IGF1: variants seen among roughly 807,000 people sequenced by gnomAD.
IGF1 encodes the protein insulin like growth factor 1.
Under a neutral mutation model 13.8 loss-of-function variants are expected in IGF1, and 4 were observed. That is an observed-to-expected ratio of 0.29 (90% CI 0.14 to 0.66). IGF1 has a LOEUF of 0.66. Among genes scored for constraint, IGF1 ranks in the 30% least tolerant of loss-of-function variants. The probability of loss-of-function intolerance (pLI) is 0.78; values close to 1 mark genes in which losing one functional copy is unlikely to be tolerated. For synonymous variants in IGF1, 76 were observed against 72.6 expected (o/e 1.05, Z -0.23); for missense variants, 124 against 188.5 (o/e 0.66, Z 2.00).
At chr12:102,453,246 A>G (rs888941385) in intron 2 of IGF1, among the ~76,000 whole-genome samples, 5 of 152,192 alleles carry the variant, frequency 3.3e-5, no homozygotes, top group African/African-American at 1.2e-4. Context: ...GTGCTTTTCC[A>G]AAGTGTTTTT....
chr12:102,429,880 A>G (rs1233704383), intron 2 of IGF1, among the ~76,000 whole-genome samples: 1 of 152,180 alleles, frequency 6.6e-6, no homozygotes, highest in Non-Finnish European at 1.5e-5. Flanking sequence ...CTTTCTGAGA[A>G]CTAGAGACTG....
At chr12:102,452,859 G>A (rs1339834945) in intron 2 of IGF1, among the ~76,000 whole-genome samples, 1 of 152,108 alleles carries the variant, frequency 6.6e-6, no homozygotes, top group Non-Finnish European at 1.5e-5. Flanking sequence ...GCAATTTAAG[G>A]ACATGGGCCC....
At chr12:102,412,742 G>A (rs1437764864) in intron 3 of IGF1, among the ~76,000 whole-genome samples, 2 of 152,130 alleles carry the variant, frequency 1.3e-5, no homozygotes, top group African/African-American at 4.8e-5. Context: ...GGGCTCTCTG[G>A]AAGAATCAGA....
intron 1 of IGF1, among the ~76,000 whole-genome samples, chr12:102,479,525 G>A (rs944120050): frequency 2.0e-5 from 3 of 152,134 alleles, no homozygotes; most frequent in African/African-American, 7.2e-5. Flanking sequence ...TTTACCTAAA[G>A]GGACTTCACG....
intron 2 of IGF1, among the ~76,000 whole-genome samples, chr12:102,457,186 A>G (rs74534889): frequency 0.035 from 5,296 of 152,240 alleles, 309 homozygotes; most frequent in African/African-American, 0.12. Flanking sequence ...ATATTATTCA[A>G]ATATACCCAG....
rs551829062 is a variant in IGF1, at chr12:102,401,606, A to G, written c.*901T>C. On this transcript the variant is annotated 3_prime_UTR_variant, in exon 4 of 4. Coordinates refer to ENST00000337514, the MANE Select transcript of IGF1 (RefSeq NM_000618.5). ...ATATAACAAACTACAAAATAGCACC[A>G]TTATACTAAAAAACAGAGTTTTACA... 5.9e-5 allele frequency: 9 copies of G among 152,750 alleles called. No individual in the cohort carries two copies. Among genetic ancestry groups the G allele is most frequent in the Admixed American group, 3.9e-4 (6 of 15,294 alleles). The allele number at this position is 152,750 out of a possible 1,614,324, so 9.5% of individuals were successfully genotyped here. A position where few individuals can be genotyped will look rare whatever the true frequency, so the allele number is the denominator to read the frequency against.
At chr12:102,419,794 C>T in intron 2 of IGF1, 104 bp from the exon 3 acceptor site, 1 of 1,086,864 alleles carries the variant, frequency 9.2e-7, no homozygotes, top group Non-Finnish European at 1.4e-6. Flanking sequence ...CCTACATATT[C>T]TGCAATGTCT....
chr12:102,477,912 A>G (rs986462687), intron 1 of IGF1, among the ~76,000 whole-genome samples: 1 of 152,174 alleles, frequency 6.6e-6, no homozygotes, highest in African/African-American at 2.4e-5. Context: ...TAATAGTTCT[A>G]GTATAACACA....
upstream of IGF1, chr12:102,480,642 C>T (rs1881344018): frequency 1.5e-6 from 2 of 1,327,974 alleles, no homozygotes; most frequent in African/African-American, 3.0e-5. Flanking sequence ...GAACATTTGC[C>T]TTCTCTCTCT....
At chr12:102,455,115 A>T (rs1879281070) in intron 2 of IGF1, among the ~76,000 whole-genome samples, 1 of 152,344 alleles carries the variant, frequency 6.6e-6, no homozygotes, top group South Asian at 2.1e-4. Flanking sequence ...GACATTCTCG[A>T]TTTGCAAGAT....
chr12:102,409,058 C>T (rs192946050), intron 3 of IGF1, among the ~76,000 whole-genome samples: 37 of 152,336 alleles, frequency 2.4e-4, no homozygotes, highest in Admixed American at 1.8e-3. Context: ...TTGATAATCA[C>T]TACATTGTGC....
At chr12:102,449,868 A>G (rs1234285662) in intron 2 of IGF1, among the ~76,000 whole-genome samples, 1 of 152,028 alleles carries the variant, frequency 6.6e-6, no homozygotes, top group Non-Finnish European at 1.5e-5. Flanking sequence ...GTCATATTAT[A>G]TTCACTTGGC....
intron 1 of IGF1, among the ~76,000 whole-genome samples, chr12:102,477,922 A>T (rs942473656): frequency 6.6e-6 from 1 of 152,088 alleles, no homozygotes; most frequent in Non-Finnish European, 1.5e-5. Context: ...AGTATAACAC[A>T]TTTAAGTGCA....
intron 2 of IGF1, among the ~76,000 whole-genome samples, chr12:102,430,212 T>A (rs5742663): frequency 6.6e-6 from 1 of 152,128 alleles, no homozygotes; most frequent in African/African-American, 2.4e-5. Flanking sequence ...TAAACATTCC[T>A]TTCTGATACA....
intron 3 of IGF1, among the ~76,000 whole-genome samples, chr12:102,408,153 A>C (rs1874327213): frequency 6.6e-6 from 1 of 152,234 alleles, no homozygotes; most frequent in Non-Finnish European, 1.5e-5. Flanking sequence ...CTGCTCCCAA[A>C]AAGGGCAAAA....
chr12:102,449,075 T>C (rs989212109), intron 2 of IGF1, among the ~76,000 whole-genome samples: 2 of 152,140 alleles, frequency 1.3e-5, no homozygotes, highest in Admixed American at 6.6e-5. Flanking sequence ...TATAAATTAT[T>C]CTACTATAAA....
At chr12:102,476,425 G>T (rs1378316405) in intron 1 of IGF1, among the ~76,000 whole-genome samples, 1 of 151,858 alleles carries the variant, frequency 6.6e-6, no homozygotes, top group Admixed American at 6.6e-5. Context: ...GAGAGAGAGA[G>T]AGAGAGAGAG....
intron 2 of IGF1, among the ~76,000 whole-genome samples, chr12:102,450,267 A>T (rs1878798964): frequency 6.6e-6 from 1 of 152,230 alleles, no homozygotes; most frequent in African/African-American, 2.4e-5. Context: ...CCCTACTTTT[A>T]TGCGACTCTC....
intron 3 of IGF1, chr12:102,417,763 G>T: frequency 6.2e-7 from 1 of 1,603,306 alleles, no homozygotes; most frequent in Non-Finnish European, 8.5e-7. Flanking sequence ...TTTCATTCTT[G>T]CTGTCTGCTC....
Sources: gnomAD v4.1 joint callset for allele counts (sites outside exome capture counted in the v4.1 genomes callset) on GRCh38, gnomAD v4.1.1 for gene constraint, MANE v1.5 for transcripts, NCBI Gene and HGNC (gene_info 2026-07-23, HGNC 2026-07-21) for gene names.